Variants in DOCK3 observed in about 807,000 individuals in gnomAD.
The protein encoded by DOCK3 is dedicator of cytokinesis 3, also known as dedicator of cytokinesis protein 3.
In DOCK3, 60 loss-of-function variants were observed where a neutral mutation model predicts 265.6. That is an observed-to-expected ratio of 0.23 (90% confidence interval 0.18 to 0.28). The LOEUF (loss-of-function observed/expected upper bound fraction) is 0.28. DOCK3 is among the 10% of genes least tolerant of loss of function. The pLI, the probability that DOCK3 is intolerant of heterozygous loss-of-function variation, is 1.00. For missense variants in DOCK3, 1,981 were observed against 2,594.3 expected (o/e 0.76, Z 5.14); for synonymous variants, 881 against 938.0 (o/e 0.94, Z 1.11).
chr3:50,735,626 T>G (rs577966513), intron 1 of DOCK3, among the ~76,000 whole-genome samples: 1 of 152,300 alleles, frequency 6.6e-6, no homozygotes, highest in Admixed American at 6.5e-5. Context: ...GGTGAGCCAC[T>G]GCACCCAGCC....
intron 2 of DOCK3, among the ~76,000 whole-genome samples, chr3:50,783,945 G>A (rs1285377823): frequency 1.3e-5 from 2 of 149,614 alleles, no homozygotes; most frequent in Non-Finnish European, 3.0e-5. Flanking sequence ...TGGGCTCACC[G>A]CAACCTCCGC....
chr3:51,098,182 G>A (rs1273695360), intron 9 of DOCK3, among the ~76,000 whole-genome samples: 3 of 152,060 alleles, frequency 2.0e-5, no homozygotes, highest in African/African-American at 7.2e-5. Flanking sequence ...TCAGCCTCCC[G>A]AGCAGCTGGG....
intron 1 of DOCK3, among the ~76,000 whole-genome samples, chr3:50,724,086 T>C (rs1553640667): frequency 1.3e-5 from 2 of 152,118 alleles, no homozygotes; most frequent in South Asian, 2.1e-4. Context: ...AACAAACTTA[T>C]GAAAAAAATC....
intron 9 of DOCK3, among the ~76,000 whole-genome samples, chr3:51,140,478 CTACCACATTTTA>C (rs1348797188): frequency 1.3e-5 from 2 of 152,160 alleles, no homozygotes; most frequent in African/African-American, 4.8e-5. Context: ...TTGGCTATAT[CTACCACATTTTA>C]TTTATCCACT....
At chr3:50,978,427 C>CT (rs2077553914) in intron 5 of DOCK3, among the ~76,000 whole-genome samples, 2 of 152,068 alleles carry the variant, frequency 1.3e-5, no homozygotes. Context: ...TGTGCCCCTG[C>CT]TGGGGGGGTG....
intron 1 of DOCK3, among the ~76,000 whole-genome samples, chr3:50,731,004 C>T (rs577331015): frequency 3.4e-4 from 51 of 151,434 alleles, no homozygotes; most frequent in Non-Finnish European, 6.5e-4. Flanking sequence ...TGGTGGTGGG[C>T]GCCTATAGTC....
intron 1 of DOCK3, among the ~76,000 whole-genome samples, chr3:50,776,202 C>T (rs2041587509): frequency 6.6e-6 from 1 of 152,156 alleles, no homozygotes; most frequent in Admixed American, 6.6e-5. Flanking sequence ...TACACTCCCA[C>T]CAGCAGTGTA....
intron 4 of DOCK3, among the ~76,000 whole-genome samples, chr3:50,891,111 A>C (rs895890617): frequency 6.6e-6 from 1 of 151,996 alleles, no homozygotes; most frequent in African/African-American, 2.4e-5. Context: ...TGGAGGCTGG[A>C]ACCTATTTTC....
intron 12 of DOCK3, among the ~76,000 whole-genome samples, chr3:51,161,087 A>C (rs56976599): frequency 0.071 from 10,648 of 150,332 alleles, 1,025 homozygotes; most frequent in East Asian, 0.32. Flanking sequence ...AAGAAAAAAA[A>C]AAAAAACAAA....
chr3:51,081,867 G>A (rs564172816), intron 7 of DOCK3, among the ~76,000 whole-genome samples: 1 of 143,196 alleles, frequency 7.0e-6, no homozygotes, highest in South Asian at 2.3e-4. Context: ...CTGGAATCTA[G>A]CCTGGGCGAC....
intron 12 of DOCK3, among the ~76,000 whole-genome samples, chr3:51,194,543 T>G (rs896718946): frequency 1.3e-5 from 2 of 152,188 alleles, no homozygotes; most frequent in Non-Finnish European, 2.9e-5. Context: ...TTTATCTCTC[T>G]CTTTAGCTTT....
At chr3:51,255,091 G>A (rs1013663464) in intron 22 of DOCK3, among the ~76,000 whole-genome samples, 9 of 152,178 alleles carry the variant, frequency 5.9e-5, no homozygotes, top group Non-Finnish European at 8.8e-5. Flanking sequence ...GCATTTGCTT[G>A]TCTGTAAAGG....
chr3:50,683,464 G>C (rs1487080557), intron 1 of DOCK3, among the ~76,000 whole-genome samples: 2 of 152,170 alleles, frequency 1.3e-5, no homozygotes, highest in Non-Finnish European at 2.9e-5. Flanking sequence ...TATTGTCCTA[G>C]AGGGGAATTA....
intron 51 of DOCK3, among the ~76,000 whole-genome samples, chr3:51,376,731 TATC>T (rs1435680501): frequency 6.6e-6 from 1 of 152,208 alleles, no homozygotes; most frequent in East Asian, 1.9e-4. Context: ...ATCATCACGT[TATC>T]ATCGTATCTG....
chr3:50,863,484 G>A (rs1406131998), intron 3 of DOCK3: 2 of 517,398 alleles, frequency 3.9e-6, no homozygotes, highest in South Asian at 2.8e-5. Flanking sequence ...CAGCAGAGAA[G>A]TACTCCCACC....
intron 5 of DOCK3, among the ~76,000 whole-genome samples, chr3:50,987,146 G>A (rs2077932230): frequency 6.6e-6 from 1 of 152,098 alleles, no homozygotes; most frequent in Non-Finnish European, 1.5e-5. Flanking sequence ...GTTTCCTTAC[G>A]GTCTCTTTGT....
At chr3:51,103,528 A>T (rs2083161445) in intron 9 of DOCK3, among the ~76,000 whole-genome samples, 1 of 152,336 alleles carries the variant, frequency 6.6e-6, no homozygotes, top group Non-Finnish European at 1.5e-5. Context: ...CCCTCAAAAA[A>T]TTGATAAGCT....
intron 23 of DOCK3, among the ~76,000 whole-genome samples, chr3:51,268,422 G>A (rs559192443): frequency 4.2e-4 from 64 of 152,132 alleles, no homozygotes; most frequent in African/African-American, 1.4e-3. Flanking sequence ...CAGTCAAAAG[G>A]GAGATATTTT....
chr3:51,182,057 A>G (rs558682870), intron 12 of DOCK3, among the ~76,000 whole-genome samples: 1 of 152,094 alleles, frequency 6.6e-6, no homozygotes, highest in Non-Finnish European at 1.5e-5. Flanking sequence ...TGTTTTTTTA[A>G]CTCCCTGCTC....
Sources: gnomAD v4.1 joint callset for allele counts (sites outside exome capture counted in the v4.1 genomes callset) on GRCh38, gnomAD v4.1.1 for gene constraint, MANE v1.5 for transcripts, NCBI Gene and HGNC (gene_info 2026-07-23, HGNC 2026-07-21) for gene names.